P2RX5: variants seen among roughly 807,000 people sequenced by gnomAD.
P2RX5 encodes the protein purinergic receptor P2X 5, also known as P2X purinoceptor 5.
Under a neutral mutation model 54.1 loss-of-function variants are expected in P2RX5, and 46 were observed. That is an observed-to-expected ratio of 0.85 (90% CI 0.67 to 1.09). The LOEUF is 1.09. Among genes scored for constraint, P2RX5 ranks in the 50% least tolerant of loss-of-function variants. The probability of loss-of-function intolerance (pLI) is 0.00; values close to 1 mark genes in which losing one functional copy is unlikely to be tolerated. For synonymous variants in P2RX5, 226 were observed against 226.4 expected, an observed-to-expected ratio of 1.00 and a Z score of 0.02; for missense variants, 566 against 549.8, an observed-to-expected ratio of 1.03 and a Z score of -0.29.
chr17:3,694,125 A>T (rs550572387), intron 1 of P2RX5, among the ~76,000 whole-genome samples: 1 of 151,470 alleles, frequency 6.6e-6, no homozygotes, highest in African/African-American at 2.4e-5. Flanking sequence ...ACAATGTGGC[A>T]GCCCCACACG....
At chr17:3,709,374 C>A in the P2RX5 span, among the ~76,000 whole-genome samples, 1 of 152,156 alleles carries the variant, frequency 6.6e-6, no homozygotes, top group East Asian at 1.9e-4. Context: ...ATGTACTTTA[C>A]AAAATTTGCT....
intron 9 of P2RX5, among the ~76,000 whole-genome samples, chr17:3,684,717 T>C (rs2050385986): frequency 6.6e-6 from 1 of 152,162 alleles, no homozygotes; most frequent in Admixed American, 6.5e-5. Context: ...CCTCTGTGCA[T>C]TGTGGAATGT....
intron 1 of P2RX5, among the ~76,000 whole-genome samples, chr17:3,693,550 A>G (rs2050675745): frequency 6.6e-6 from 1 of 152,180 alleles, no homozygotes; most frequent in Admixed American, 6.5e-5. Context: ...AGCCTGACCA[A>G]CATGGTGAAA....
intron 9 of P2RX5, among the ~76,000 whole-genome samples, chr17:3,683,415 T>A (rs930416465): frequency 6.6e-6 from 1 of 152,184 alleles, no homozygotes; most frequent in Non-Finnish European, 1.5e-5. Flanking sequence ...CAGAGGGTGC[T>A]CTGATTTTAC....
chr17:3,699,782 G>A (rs527257087), upstream of P2RX5, among the ~76,000 whole-genome samples: 6 of 150,026 alleles, frequency 4.0e-5, no homozygotes, highest in Non-Finnish European at 5.9e-5. Flanking sequence ...TCCAGCCTGG[G>A]TGACAGAGTG....
the P2RX5 span, among the ~76,000 whole-genome samples, chr17:3,704,322 G>C: frequency 6.6e-6 from 1 of 152,162 alleles, no homozygotes; most frequent in African/African-American, 2.4e-5. Context: ...CAGCCTTCCT[G>C]CCGAGTCCTG....
At position 3,690,967 on chromosome 17, in the gene P2RX5, C is replaced by T. The variant is rs754263355; in HGVS notation, c.349G>A (p.Val117Ile). The T allele has an allele frequency of 5.1e-5, 81 of 1,575,312 alleles. No individual in the cohort carries two copies. Among genetic ancestry groups the T allele is most frequent in the African/African-American group, 4.7e-4 (34 of 72,648 alleles). Residue 117 changes from valine to isoleucine, a missense_variant, in exon 3 of 12, where the codon GTC becomes ATC. Coordinates refer to ENST00000225328, the MANE Select transcript of P2RX5 (RefSeq NM_002561.4). ...LIVTPNQRQNVCAENEGIPDG... is the reference protein window; with the variant it reads ...LIVTPNQRQNICAENEGIPDG... ...TCGCCAAATCAAACCTCAGCACAGA[C>T]GTTCTGCCGCTGGTTGGGGGTCACA... is the stretch of plus-strand genomic sequence containing the variant.
At chr17:3,674,372 G>C (rs1371493065) in intron 11 of P2RX5, among the ~76,000 whole-genome samples, 3 of 151,196 alleles carry the variant, frequency 2.0e-5, no homozygotes, top group Non-Finnish European at 4.4e-5. Flanking sequence ...AGAGTAATGA[G>C]CTCCCACTCT....
Position 3,690,759 on chromosome 17 carries a change from G to A in P2RX5, c.361-79C>T, listed in dbSNP as rs562336501. The A allele has an allele frequency of 1.0e-5, 15 of 1,447,648 alleles. No homozygotes were observed. In the South Asian group the frequency reaches 1.3e-4, roughly 12 times the overall value. The allele number at this position is 1,447,648 out of a possible 1,614,324, so 89.7% of individuals were successfully genotyped here. On this transcript the variant is annotated intron_variant, in intron 3 of 11. Transcript: ENST00000225328. ...GGTCCCACTCCAGGAGATAGAATAG[G>A]GGTTCTTCTTCGGCCTGGCCCACAC... is the stretch of plus-strand genomic sequence containing the variant.
chr17:3,707,861 A>C, the P2RX5 span, among the ~76,000 whole-genome samples: 1 of 151,996 alleles, frequency 6.6e-6, no homozygotes, highest in African/African-American at 2.4e-5. Context: ...GATCGAGATC[A>C]TCCTGGCTAA....
intron 8 of P2RX5, 149 bp from the exon 9 acceptor site, chr17:3,688,254 AG>A: frequency 1.5e-6 from 1 of 672,602 alleles, no homozygotes; most frequent in Non-Finnish European, 2.7e-6. Context: ...CTTCTCACTG[AG>A]CCAAAAACAA....
At chr17:3,712,278 G>A in the P2RX5 span, among the ~76,000 whole-genome samples, 1 of 152,174 alleles carries the variant, frequency 6.6e-6, no homozygotes, top group Non-Finnish European at 1.5e-5. Context: ...ACGGATTTCT[G>A]AACGAAATGA....
At chr17:3,677,200 C>T (rs1366565130) in intron 11 of P2RX5, 40 of 985,228 alleles carry the variant, frequency 4.1e-5, no homozygotes, top group Non-Finnish European at 4.2e-5. Flanking sequence ...TAACTCAGCC[C>T]GTTTACACCT....
At chr17:3,710,599 A>T in the P2RX5 span, among the ~76,000 whole-genome samples, 1 of 151,756 alleles carries the variant, frequency 6.6e-6, no homozygotes. Context: ...TGTATTAGAG[A>T]TGTGCACAGA....
At chr17:3,703,049 G>C in the P2RX5 span, among the ~76,000 whole-genome samples, 1 of 152,072 alleles carries the variant, frequency 6.6e-6, no homozygotes, top group Non-Finnish European at 1.5e-5. Context: ...TGTGCTGGGG[G>C]CCTCACCTGG....
At chr17:3,696,698 C>T (rs1234921344), upstream of P2RX5, among the ~76,000 whole-genome samples, 2 of 152,166 alleles carry the variant, frequency 1.3e-5, no homozygotes, top group Non-Finnish European at 1.5e-5. Context: ...CCTCGGCCTC[C>T]CAAAGTGCTG....
upstream of P2RX5, chr17:3,696,401 C>G: frequency 6.2e-6 from 1 of 160,718 alleles, no homozygotes; most frequent in Non-Finnish European, 1.4e-5. Flanking sequence ...GCAGCGATCG[C>G]GGAGGAGAGG....
Position 3,673,406 on chromosome 17 carries a change from G to T in P2RX5, c.*462C>A. 1 of 1,060,806 alleles carries T rather than the reference G, an allele frequency of 9.4e-7. No individual in the cohort carries two copies. The highest frequency in any genetic ancestry group is 3.1e-5 in the South Asian group (1 of 31,866). 65.7% of individuals were successfully genotyped at this position (1,060,806 alleles called of 1,614,324 possible). ...GGAGAGAGAGTACTTGGATCCACTG[G>T]AGAGTATGCTCTGAGGGAAGCTGCG... On this transcript the variant is annotated 3_prime_UTR_variant, in exon 12 of 12. Transcript: ENST00000225328.
chr17:3,684,215 G>A (rs1431916592), intron 9 of P2RX5, among the ~76,000 whole-genome samples: 2 of 152,254 alleles, frequency 1.3e-5, no homozygotes, highest in East Asian at 1.9e-4. Context: ...CCTTTCAGTC[G>A]GGTGGTTCTC....
Sources: gnomAD v4.1 joint callset for allele counts (sites outside exome capture counted in the v4.1 genomes callset) on GRCh38, gnomAD v4.1.1 for gene constraint, MANE v1.5 for transcripts, NCBI Gene and HGNC (gene_info 2026-07-23, HGNC 2026-07-21) for gene names.